The following HEMK2 variants were observed in gnomAD, a reference collection of about 807,000 sequenced individuals.
The protein encoded by HEMK2 is HemK methyltransferase 2, ETF1 glutamine and histone H4 lysine, also known as methyltransferase HEMK2.
At chr21:28,697,009 C>G in the HEMK2 span, among the ~76,000 whole-genome samples, 1 of 98,404 alleles carries the variant, frequency 1.0e-5, no homozygotes, top group East Asian at 6.9e-4. Flanking sequence ...CCAAGGAAAA[C>G]ATTTTTTTTT....
the HEMK2 span, among the ~76,000 whole-genome samples, chr21:28,835,030 A>G: frequency 6.6e-6 from 1 of 152,116 alleles, no homozygotes; most frequent in African/African-American, 2.4e-5. Context: ...GGCCTAGCCC[A>G]GCTCCCACCT....
At chr21:28,698,981 T>C in the HEMK2 span, among the ~76,000 whole-genome samples, 3 of 152,198 alleles carry the variant, frequency 2.0e-5, no homozygotes, top group African/African-American at 7.2e-5. Flanking sequence ...TTGCATATTC[T>C]TTATAAGATC....
At chr21:28,688,819 C>G in the HEMK2 span, among the ~76,000 whole-genome samples, 3 of 151,774 alleles carry the variant, frequency 2.0e-5, no homozygotes, top group Non-Finnish European at 2.9e-5. Context: ...GAAAATATAT[C>G]CCTAGTAAAA....
At chr21:28,866,033 T>C in the HEMK2 span, among the ~76,000 whole-genome samples, 1 of 151,212 alleles carries the variant, frequency 6.6e-6, no homozygotes, top group African/African-American at 2.4e-5. Flanking sequence ...GCAGGCACAG[T>C]GACTCATGCC....
At chr21:28,677,988 C>T in the HEMK2 span, among the ~76,000 whole-genome samples, 4 of 152,232 alleles carry the variant, frequency 2.6e-5, no homozygotes, top group Admixed American at 1.3e-4. Context: ...ATCAGAGCGC[C>T]TCTCCTCCTC....
chr21:28,881,625 ATTTTT>A, the HEMK2 span, among the ~76,000 whole-genome samples: 4 of 100,790 alleles, frequency 4.0e-5, no homozygotes, highest in Non-Finnish European at 1.9e-5. Flanking sequence ...GAAGCCATCA[ATTTTT>A]TTTTTTTTTT....
At chr21:28,881,313 T>C in the HEMK2 span, among the ~76,000 whole-genome samples, 1 of 152,314 alleles carries the variant, frequency 6.6e-6, no homozygotes, top group South Asian at 2.1e-4. Context: ...GGGATGGAAC[T>C]ATGAGGCATT....
the HEMK2 span, among the ~76,000 whole-genome samples, chr21:28,851,065 T>C: frequency 6.6e-6 from 1 of 152,300 alleles, no homozygotes; most frequent in African/African-American, 2.4e-5. Flanking sequence ...CAGTTCTTGA[T>C]AGGCAGTTCA....
At chr21:28,627,143 C>T in the HEMK2 span, among the ~76,000 whole-genome samples, 2 of 152,158 alleles carry the variant, frequency 1.3e-5, no homozygotes, top group Non-Finnish European at 2.9e-5. Context: ...CACAAAAGAA[C>T]ATACGTAGTA....
the HEMK2 span, chr21:28,875,643 A>G: frequency 6.6e-6 from 1 of 152,256 alleles, no homozygotes; most frequent in Non-Finnish European, 1.5e-5. Flanking sequence ...CTGGTATAAC[A>G]TAATGAAATT....
chr21:28,836,663 T>C, the HEMK2 span, among the ~76,000 whole-genome samples: 1 of 152,178 alleles, frequency 6.6e-6, no homozygotes, highest in Non-Finnish European at 1.5e-5. Flanking sequence ...CACATTTCAA[T>C]ACTAACATTG....
chr21:28,809,780 C>T, the HEMK2 span, among the ~76,000 whole-genome samples: 1,032 of 152,230 alleles, frequency 6.8e-3, 8 homozygotes, highest in African/African-American at 0.023. Flanking sequence ...TAAAAACTCA[C>T]AATAAATATA....
the HEMK2 span, among the ~76,000 whole-genome samples, chr21:28,727,132 C>T: frequency 6.6e-6 from 1 of 152,054 alleles, no homozygotes; most frequent in African/African-American, 2.4e-5. Context: ...CTCTGCAAGT[C>T]ATAAGGGTGC....
chr21:28,657,178 T>C, the HEMK2 span, among the ~76,000 whole-genome samples: 11 of 152,218 alleles, frequency 7.2e-5, no homozygotes, highest in African/African-American at 2.4e-4. Context: ...AGCTGAAATT[T>C]CCTAATTTAA....
chr21:28,630,672 C>G, the HEMK2 span, among the ~76,000 whole-genome samples: 1 of 150,550 alleles, frequency 6.6e-6, no homozygotes, highest in African/African-American at 2.4e-5. Context: ...AGCAAACTAT[C>G]GCAAGGACAA....
chr21:28,743,949 G>A, the HEMK2 span, among the ~76,000 whole-genome samples: 2 of 152,186 alleles, frequency 1.3e-5, no homozygotes, highest in Non-Finnish European at 2.9e-5. Context: ...CAGAAACGTG[G>A]ATGGAACTGG....
chr21:28,789,187 C>T, the HEMK2 span, among the ~76,000 whole-genome samples: 2 of 152,258 alleles, frequency 1.3e-5, no homozygotes, highest in Non-Finnish European at 2.9e-5. Context: ...AGTGTAAGGA[C>T]GTCCCAGGTA....
the HEMK2 span, among the ~76,000 whole-genome samples, chr21:28,677,119 G>T: frequency 6.6e-6 from 1 of 152,200 alleles, no homozygotes; most frequent in Non-Finnish European, 1.5e-5. Context: ...CCCGGTAAGC[G>T]CAAGGGGTCA....
the HEMK2 span, among the ~76,000 whole-genome samples, chr21:28,788,599 G>A: frequency 2.7e-5 from 4 of 150,938 alleles, no homozygotes; most frequent in African/African-American, 4.9e-5. Context: ...TGGTGGGTGA[G>A]CCAAAATCTC....
Sources: allele counts gnomAD v4.1 joint callset (sites outside exome capture counted in the v4.1 genomes callset), GRCh38; gene constraint gnomAD v4.1.1; transcripts MANE v1.5; gene names NCBI Gene and HGNC (gene_info 2026-07-23, HGNC 2026-07-21).